The following WDR82 variants were observed in gnomAD, a reference collection of about 807,000 sequenced individuals.
WDR82 encodes WD repeat-containing protein 82.
Under a neutral mutation model 36.1 loss-of-function variants are expected in WDR82, and 8 were observed. The ratio of observed to expected loss-of-function variants is 0.22; its 90% CI spans 0.13 to 0.40. WDR82 has a LOEUF of 0.40. Ranked by LOEUF, WDR82 falls within the 10% of genes least tolerant of loss-of-function variation. WDR82 has a pLI of 1.00. For missense variants in WDR82, 185 were observed against 400.5 expected (o/e 0.46, Z 4.59); for synonymous variants, 129 against 137.8 (o/e 0.94, Z 0.45).
intron 1 of WDR82, 137 bp downstream of exon 1, chr3:52,278,064 G>T: frequency 1.2e-6 from 1 of 826,064 alleles, no homozygotes. Context: ...CGGCTGCGGG[G>T]TGGAGGCGGC....
At chr3:52,277,330 A>T (rs1411862143) in intron 1 of WDR82, among the ~76,000 whole-genome samples, 3 of 152,142 alleles carry the variant, frequency 2.0e-5, no homozygotes, top group Non-Finnish European at 4.4e-5. Flanking sequence ...GAAAAGATGC[A>T]GGTATGGTGG....
At chr3:52,276,203 G>A (rs1443769454) in intron 1 of WDR82, among the ~76,000 whole-genome samples, 1 of 152,166 alleles carries the variant, frequency 6.6e-6, no homozygotes, top group South Asian at 2.1e-4. Flanking sequence ...GAAGGCCAAG[G>A]CGGGTGGATC....
At chr3:52,275,221 C>CA (rs1437424425) in intron 1 of WDR82, among the ~76,000 whole-genome samples, 2 of 151,948 alleles carry the variant, frequency 1.3e-5, no homozygotes, top group Non-Finnish European at 2.9e-5. Flanking sequence ...AAGTCCCTAT[C>CA]AAAAAAATAA....
intron 4 of WDR82, among the ~76,000 whole-genome samples, chr3:52,260,789 C>T (rs1206139893): frequency 1.3e-5 from 2 of 152,188 alleles, no homozygotes; most frequent in African/African-American, 4.8e-5. Flanking sequence ...ACACAGAATT[C>T]AAATAAAAAT....
intron 3 of WDR82, among the ~76,000 whole-genome samples, chr3:52,265,067 G>C (rs1027575710): frequency 2.0e-5 from 3 of 151,918 alleles, no homozygotes; most frequent in Non-Finnish European, 4.4e-5. Flanking sequence ...TGTAATCCCA[G>C]CACTTTGGGA....
intron 1 of WDR82, among the ~76,000 whole-genome samples, chr3:52,272,754 C>T (rs1267310655): frequency 6.6e-6 from 1 of 152,158 alleles, no homozygotes; most frequent in East Asian, 1.9e-4. Context: ...AGCTAATCCT[C>T]TCAATGTAAA....
intron 7 of WDR82, 77 bp downstream of exon 7, chr3:52,259,118 ATG>A: frequency 7.6e-7 from 1 of 1,316,876 alleles, no homozygotes; most frequent in Non-Finnish European, 1.1e-6. Context: ...ATAGATAATA[ATG>A]TCTCAGTTAA....
intron 5 of WDR82, among the ~76,000 whole-genome samples, 180 bp from the exon 6 acceptor site, chr3:52,260,052 C>G (rs756852987): frequency 6.6e-6 from 1 of 152,114 alleles, no homozygotes; most frequent in Admixed American, 6.6e-5. Flanking sequence ...CTTACAGGGC[C>G]GGGCGCGGTG....
chr3:52,264,085 C>T (rs185874563), intron 3 of WDR82, among the ~76,000 whole-genome samples: 289 of 152,246 alleles, frequency 1.9e-3, no homozygotes, highest in African/African-American at 6.6e-3. Context: ...ATCGTTTGAA[C>T]TCAGGAGGTG....
intron 8 of WDR82, 68 bp from the exon 9 acceptor site, chr3:52,257,587 C>T (rs1049604205): frequency 6.5e-5 from 104 of 1,602,338 alleles, no homozygotes; most frequent in Non-Finnish European, 7.9e-5. Flanking sequence ...TTCTTCACAT[C>T]CCACCCCACA....
intron 1 of WDR82, 138 bp downstream of exon 1, chr3:52,278,063 G>A (rs1297051000): frequency 3.8e-6 from 3 of 786,960 alleles, no homozygotes; most frequent in Admixed American, 7.9e-5. Context: ...ACGGCTGCGG[G>A]GTGGAGGCGG....
At position 52,260,451 on chromosome 3, in the gene WDR82, C is replaced by T; in HGVS notation, c.477G>A (p.Gly159=). 1 of 1,593,668 alleles carries T rather than the reference C, an allele frequency of 6.3e-7. No homozygotes were observed. Among genetic ancestry groups the T allele is most frequent in the Non-Finnish European group, 8.5e-7 (1 of 1,172,992 alleles). Reference sequence around the variant, plus strand: ...AGTTGACACCTGCAGCGAAAATTAACCCTTCTGGATCAAAAGAACAAACTG... The same window carrying T: ...AGTTGACACCTGCAGCGAAAATTAATCCTTCTGGATCAAAAGAACAAACTG... ...GKPVCSFDPE[G]LIFAAGVNSE... The change falls in exon 5 of 9, where the codon GGG becomes GGA. Residue 159 remains glycine (G), a synonymous_variant. Coordinates refer to ENST00000296490, the MANE Select transcript of WDR82 (RefSeq NM_025222.4).
intron 3 of WDR82, among the ~76,000 whole-genome samples, chr3:52,265,521 CCTTTATTTCAG>C (rs1443151993): frequency 3.3e-5 from 5 of 151,558 alleles, no homozygotes; most frequent in Admixed American, 6.6e-5. Flanking sequence ...CCTTATTTCA[CCTTTATTTCAG>C]CAACACAAAT....
chr3:52,266,610 G>C (rs1251046116), intron 3 of WDR82, among the ~76,000 whole-genome samples: 4 of 151,984 alleles, frequency 2.6e-5, no homozygotes, highest in Non-Finnish European at 5.9e-5. Flanking sequence ...GCTAATTTTT[G>C]TATTTTTAGT....
At chr3:52,278,043 G>A (rs1231966394) in intron 1 of WDR82, 158 bp downstream of exon 1, 2 of 534,912 alleles carry the variant, frequency 3.7e-6, no homozygotes, top group African/African-American at 2.0e-5. Flanking sequence ...AAAAATAAAA[G>A]GTCTCCTGGA....
At chr3:52,261,500 T>C (rs747075542) in intron 3 of WDR82, 21 bp from the exon 4 acceptor site, 34 of 1,600,272 alleles carry the variant, frequency 2.1e-5, no homozygotes, top group Middle Eastern at 3.3e-4. Flanking sequence ...TCGAGATAAA[T>C]AGGAGTTGAT....
chr3:52,265,698 C>G (rs972689738), intron 3 of WDR82, among the ~76,000 whole-genome samples: 2 of 151,726 alleles, frequency 1.3e-5, no homozygotes, highest in African/African-American at 4.8e-5. Flanking sequence ...GCCTGAGCCT[C>G]CGAAGTAGTA....
intron 1 of WDR82, among the ~76,000 whole-genome samples, chr3:52,277,409 G>C (rs1700214930): frequency 6.6e-6 from 1 of 151,826 alleles, no homozygotes; most frequent in South Asian, 2.1e-4. Context: ...GGACCAAAAA[G>C]TGTAATAGAA....
chr3:52,261,849 T>G (rs757363658), intron 3 of WDR82, among the ~76,000 whole-genome samples: 3 of 152,180 alleles, frequency 2.0e-5, no homozygotes, highest in Non-Finnish European at 4.4e-5. Context: ...TACAGTTGCT[T>G]TGGAAAAGTT....
Sources: allele counts gnomAD v4.1 joint callset (sites outside exome capture counted in the v4.1 genomes callset), GRCh38; gene constraint gnomAD v4.1.1; transcripts MANE v1.5; gene names NCBI Gene and HGNC (gene_info 2026-07-23, HGNC 2026-07-21).